The following SPATA13 variants were observed in gnomAD, a reference collection of about 807,000 sequenced individuals.
SPATA13 encodes spermatogenesis associated 13.
A neutral mutation model predicts 104.0 loss-of-function variants in SPATA13; 50 were observed. That is an observed-to-expected ratio of 0.48 (90% CI 0.38 to 0.61). The LOEUF is 0.61. Among genes scored for constraint, SPATA13 ranks in the 20% least tolerant of loss-of-function variants. The pLI is 0.00. For missense variants in SPATA13, 1,524 were observed against 1,690.6 expected (o/e 0.90, Z 1.73); for synonymous variants, 606 against 667.5 (o/e 0.91, Z 1.42).
chr13:24,179,556 T>C (rs1293855180), intron 1 of SPATA13, among the ~76,000 whole-genome samples: 1 of 152,032 alleles, frequency 6.6e-6, no homozygotes, highest in Non-Finnish European at 1.5e-5. Context: ...ATCTCCAGAA[T>C]CTTTTTATCT....
chr13:24,091,726 G>C (rs150106992), intron 3 of SPATA13, among the ~76,000 whole-genome samples: 1 of 152,198 alleles, frequency 6.6e-6, no homozygotes, highest in Non-Finnish European at 1.5e-5. Context: ...CAGGAGAATC[G>C]CTTGAACCTG....
At chr13:24,219,238 G>A (rs930891465) in intron 1 of SPATA13, among the ~76,000 whole-genome samples, 8 of 152,148 alleles carry the variant, frequency 5.3e-5, no homozygotes, top group Non-Finnish European at 1.0e-4. Context: ...AACTTGGTAT[G>A]TTACTCAGAA....
chr13:24,261,158 G>A (rs556028738), intron 4 of SPATA13, among the ~76,000 whole-genome samples: 5 of 152,220 alleles, frequency 3.3e-5, no homozygotes, highest in Non-Finnish European at 5.9e-5. Flanking sequence ...GAGATCATTG[G>A]CTGGATCGTG....
chr13:24,234,055 A>G (rs1434071511), intron 2 of SPATA13, among the ~76,000 whole-genome samples: 1 of 152,208 alleles, frequency 6.6e-6, no homozygotes, highest in Admixed American at 6.5e-5. Flanking sequence ...GGATTTTCTC[A>G]TTAAAAATAA....
At chr13:24,182,017 C>T (rs887224401) in intron 1 of SPATA13, among the ~76,000 whole-genome samples, 5 of 152,168 alleles carry the variant, frequency 3.3e-5, no homozygotes, top group Non-Finnish European at 7.3e-5. Context: ...CATATAGTGT[C>T]TGACATGTAA....
rs1012153233 is a variant in SPATA13, at chr13:24,088,864, C to T, written c.-112+71163C>T. On this transcript the variant is annotated intron_variant, in intron 3 of 14. Transcript: ENST00000424834. This position sits in a 1 kb window ranked among gnomAD's most constrained non-coding sequence, Gnocchi z 4.3. ...TGAGGAGTGTCCCCAAGGCTGGCTC[C>T]AGGAAAGCGCAAGCAAGGGCTCCTG... is the stretch of plus-strand genomic sequence containing the variant. 6.6e-6 allele frequency among the ~76,000 whole-genome samples: 1 copy of T among 152,190 alleles called. No homozygotes were observed. Among genetic ancestry groups the T allele is most frequent in the Non-Finnish European group, 1.5e-5 (1 of 68,040 alleles).
intron 7 of SPATA13, among the ~76,000 whole-genome samples, chr13:24,288,710 A>G (rs1265564419): frequency 6.6e-6 from 1 of 152,222 alleles, no homozygotes; most frequent in African/African-American, 2.4e-5. Context: ...TTGGAAAAAC[A>G]CGTGACGACA....
At chr13:24,299,834 G>A (rs1439987649) in intron 11 of SPATA13, among the ~76,000 whole-genome samples, 1 of 152,212 alleles carries the variant, frequency 6.6e-6, no homozygotes, top group African/African-American at 2.4e-5. Flanking sequence ...TGTCTTTCCA[G>A]TGACTCTTGT....
intron 1 of SPATA13, among the ~76,000 whole-genome samples, chr13:24,204,100 A>G (rs1870568163): frequency 6.6e-6 from 1 of 152,146 alleles, no homozygotes; most frequent in Non-Finnish European, 1.5e-5. Context: ...TTCCTGAGAG[A>G]GACAGTTCCT....
At chr13:24,256,794 A>G (rs1220430650) in intron 4 of SPATA13, among the ~76,000 whole-genome samples, 1 of 152,190 alleles carries the variant, frequency 6.6e-6, no homozygotes, top group African/African-American at 2.4e-5. Flanking sequence ...ATTTGGGATA[A>G]TAGAGTTGGG....
At position 24,029,853 on chromosome 13, in the gene SPATA13, C is replaced by G. The variant is rs139484756; in HGVS notation, c.-112+12152C>G. On this transcript the variant is annotated intron_variant, in intron 3 of 14. Coordinates refer to the SPATA13 transcript ENST00000424834. ...ATATGTTCTCATCATTTAGCTCTCA[C>G]TTATAAGTGAGAACATGCGGTATTT... 9.4e-3 allele frequency among the ~76,000 whole-genome samples: 1,425 copies of G among 152,184 alleles called. 25 individuals carry two copies. The highest frequency in any genetic ancestry group is 0.032 in the African/African-American group (1,347 of 41,490).
chr13:24,188,047 AG>A (rs1291099470), intron 1 of SPATA13, among the ~76,000 whole-genome samples: 2 of 152,210 alleles, frequency 1.3e-5, no homozygotes, highest in Non-Finnish European at 2.9e-5. Flanking sequence ...GGAAATTAAA[AG>A]TGATACTCCA....
chr13:24,284,898 A>G (rs971910725), intron 5 of SPATA13, among the ~76,000 whole-genome samples: 1 of 152,126 alleles, frequency 6.6e-6, no homozygotes, highest in Non-Finnish European at 1.5e-5. Context: ...ATTTTCATCA[A>G]CGCTCTAAGG....
intron 4 of SPATA13, among the ~76,000 whole-genome samples, chr13:24,271,950 C>T (rs932592289): frequency 2.0e-5 from 3 of 152,028 alleles, no homozygotes; most frequent in Non-Finnish European, 4.4e-5. Context: ...CTCCATTTTA[C>T]GAGCCAAAAT....
At chr13:24,017,335 T>G (rs555323422) in intron 2 of SPATA13, among the ~76,000 whole-genome samples, 11 of 152,252 alleles carry the variant, frequency 7.2e-5, no homozygotes, top group African/African-American at 2.6e-4. Flanking sequence ...AGAACCTACG[T>G]AAGCCCACGT....
chr13:24,045,353 C>T (rs2137734406), intron 3 of SPATA13, among the ~76,000 whole-genome samples: 1 of 152,250 alleles, frequency 6.6e-6, no homozygotes, highest in South Asian at 2.1e-4. Context: ...GCATTTTAGC[C>T]TTATTTTATA....
chr13:24,031,551 G>A (rs887341195), intron 3 of SPATA13, among the ~76,000 whole-genome samples: 2 of 152,136 alleles, frequency 1.3e-5, no homozygotes, highest in Admixed American at 1.3e-4. Context: ...AAATTAAATG[G>A]CCTTTGAGCC....
intron 1 of SPATA13, among the ~76,000 whole-genome samples, chr13:24,211,200 AAACAGACTATTT>A (rs1474453183): frequency 5.3e-5 from 8 of 152,208 alleles, no homozygotes; most frequent in Non-Finnish European, 2.9e-5. Context: ...CATCATTTTC[AAACAGACTATTT>A]AACTTCTTCC....
chr13:24,125,295 C>T (rs1881173454), intron 3 of SPATA13, among the ~76,000 whole-genome samples: 1 of 152,192 alleles, frequency 6.6e-6, no homozygotes, highest in African/African-American at 2.4e-5. Context: ...GGAGGAGCCC[C>T]TTGACTTAGA....
Sources: allele counts gnomAD v4.1 joint callset (sites outside exome capture counted in the v4.1 genomes callset), GRCh38; gene constraint gnomAD v4.1.1; non-coding constraint Gnocchi (gnomAD v3.1); transcripts MANE v1.5; gene names NCBI Gene and HGNC (gene_info 2026-07-23, HGNC 2026-07-21).